The following PARD3 variants were observed in gnomAD, a reference collection of about 807,000 sequenced individuals.
PARD3 encodes partitioning defective 3 homolog.
PARD3 carries 75 observed loss-of-function variants against 155.4 expected under a neutral mutation model. The observed-to-expected ratio is 0.48, with a 90% CI of 0.40 to 0.58. The LOEUF (loss-of-function observed/expected upper bound fraction) is 0.58, where lower values mean the gene tolerates loss of function less well. Among genes scored for constraint, PARD3 ranks in the 20% least tolerant of loss-of-function variants. The probability of loss-of-function intolerance (pLI) is 0.00; values close to 1 mark genes in which losing one functional copy is unlikely to be tolerated. For missense variants in PARD3, 1,642 were observed against 1,721.7 expected, an observed-to-expected ratio of 0.95 and a Z score of 0.82; for synonymous variants, 576 against 610.5, an observed-to-expected ratio of 0.94 and a Z score of 0.83.
intron 1 of PARD3, among the ~76,000 whole-genome samples, chr10:34,791,700 T>G (rs965726131): frequency 3.3e-5 from 5 of 151,932 alleles, no homozygotes; most frequent in African/African-American, 1.2e-4. Flanking sequence ...AAAAAAAAAT[T>G]GTTTAAATTA....
At chr10:34,246,697 G>A (rs183671908) in intron 22 of PARD3, among the ~76,000 whole-genome samples, 1 of 150,006 alleles carries the variant, frequency 6.7e-6, no homozygotes, top group African/African-American at 2.5e-5. Flanking sequence ...CCAGGCGGCC[G>A]TAAGATGAAC....
intron 2 of PARD3, among the ~76,000 whole-genome samples, chr10:34,610,490 C>T (rs1268293476): frequency 6.6e-6 from 1 of 152,078 alleles, no homozygotes; most frequent in Non-Finnish European, 1.5e-5. Flanking sequence ...AGGAAGATGA[C>T]CCAGTAACCC....
At chr10:34,121,234 T>C (rs1397770555) in intron 23 of PARD3, among the ~76,000 whole-genome samples, 1 of 152,210 alleles carries the variant, frequency 6.6e-6, no homozygotes, top group Non-Finnish European at 1.5e-5. Context: ...AATGGTTACC[T>C]TACCTTCTAG....
At position 34,624,308 on chromosome 10, in the gene PARD3, G is replaced by T. The variant is rs539073503; in HGVS notation, c.222+72010C>A. On this transcript the variant is annotated intron_variant, in intron 2 of 24. Transcript: ENST00000374788. The stretch of plus-strand genomic sequence containing the variant: ...GCAGCTTTGACCTATCAAGCATGAT[G>T]TTTTGACCCTCATCCCACAGCTGTG... 3.9e-5 allele frequency among the ~76,000 whole-genome samples: 6 copies of T among 152,284 alleles called. No homozygotes were observed. The South Asian group carries it at 1.2e-3, about 32-fold the overall frequency.
intron 2 of PARD3, among the ~76,000 whole-genome samples, chr10:34,693,943 GA>G (rs1387649390): frequency 6.6e-6 from 1 of 152,106 alleles, no homozygotes; most frequent in Non-Finnish European, 1.5e-5. Flanking sequence ...TTATTTAAAA[GA>G]AAAAGACTGT....
intron 2 of PARD3, among the ~76,000 whole-genome samples, chr10:34,555,805 G>A (rs1274996495): frequency 6.6e-6 from 1 of 152,048 alleles, no homozygotes; most frequent in East Asian, 1.9e-4. Context: ...CCCTGGGGAG[G>A]CAGAGGTGTC....
intron 2 of PARD3, among the ~76,000 whole-genome samples, chr10:34,583,080 T>G (rs2087646868): frequency 6.6e-6 from 1 of 152,222 alleles, no homozygotes; most frequent in South Asian, 2.1e-4. Context: ...ACTCTTAGCA[T>G]GTTTAAGCTG....
chr10:34,657,697 C>A (rs2093213003), intron 2 of PARD3, among the ~76,000 whole-genome samples: 2 of 152,118 alleles, frequency 1.3e-5, no homozygotes, highest in South Asian at 4.1e-4. Context: ...CGCCACCACG[C>A]CTGGCTAATT....
chr10:34,706,251 G>A (rs1170695927), intron 1 of PARD3, among the ~76,000 whole-genome samples: 1 of 152,188 alleles, frequency 6.6e-6, no homozygotes, highest in Non-Finnish European at 1.5e-5. Context: ...GACTCAGAGA[G>A]CATAAATAGC....
intron 2 of PARD3, among the ~76,000 whole-genome samples, chr10:34,522,210 A>AC (rs2082190691): frequency 6.6e-6 from 1 of 152,164 alleles, no homozygotes; most frequent in South Asian, 2.1e-4. Flanking sequence ...CCAGAGAGAA[A>AC]CGTGATGATG....
chr10:34,413,600 AC>A (rs1287557744), intron 5 of PARD3, among the ~76,000 whole-genome samples: 2 of 152,094 alleles, frequency 1.3e-5, no homozygotes, highest in African/African-American at 2.4e-5. Context: ...GTCCCGAGTT[AC>A]CTGCCTCACA....
Position 34,569,659 on chromosome 10 carries a change from C to T in PARD3, c.223-52500G>A, listed in dbSNP as rs190957698. On this transcript the variant is annotated intron_variant, in intron 2 of 24. Coordinates refer to ENST00000374788, the MANE Select transcript of PARD3 (RefSeq NM_001184785.2). ...ATCTCCATCTCCTGATCTCGTGATC[C>T]GCCCGCCTCCGCCTGCCAAAGTGCT... 3.0e-3 allele frequency among the ~76,000 whole-genome samples: 459 copies of T among 152,120 alleles called. 2 individuals are homozygous for T. Among genetic ancestry groups the T allele is most frequent in the African/African-American group, 0.01 (431 of 41,526 alleles).
intron 1 of PARD3, among the ~76,000 whole-genome samples, chr10:34,702,384 T>C (rs1258514719): frequency 6.6e-6 from 1 of 151,734 alleles, no homozygotes; most frequent in Non-Finnish European, 1.5e-5. Flanking sequence ...ATTAAAATAA[T>C]AATAAATGTA....
chr10:34,117,952 A>G (rs1946775818), intron 24 of PARD3, among the ~76,000 whole-genome samples: 1 of 152,186 alleles, frequency 6.6e-6, no homozygotes, highest in South Asian at 2.1e-4. Flanking sequence ...AACGGGCCTT[A>G]TAAAATCATG....
intron 22 of PARD3, among the ~76,000 whole-genome samples, chr10:34,230,067 C>A (rs773815478): frequency 1.5e-4 from 23 of 152,212 alleles, no homozygotes; most frequent in Non-Finnish European, 2.5e-4. Context: ...ACATTAGTGT[C>A]AAATATGAAT....
At chr10:34,736,818 A>G (rs2094924752) in intron 1 of PARD3, among the ~76,000 whole-genome samples, 1 of 152,056 alleles carries the variant, frequency 6.6e-6, no homozygotes, top group Admixed American at 6.6e-5. Context: ...CTGGGATTAC[A>G]GGCATGCGCC....
chr10:34,142,582 C>A (rs940170674), intron 22 of PARD3, among the ~76,000 whole-genome samples: 1 of 134,762 alleles, frequency 7.4e-6, no homozygotes, highest in Non-Finnish European at 1.6e-5. Flanking sequence ...GGAAAGGAAG[C>A]GGGGGGCAGG....
intron 2 of PARD3, among the ~76,000 whole-genome samples, chr10:34,551,091 G>T (rs1405917006): frequency 1.3e-5 from 2 of 152,098 alleles, no homozygotes; most frequent in Non-Finnish European, 2.9e-5. Context: ...GTAACCCAAA[G>T]CAACCGAAAT....
chr10:34,377,799 A>T (rs889639990), intron 10 of PARD3, among the ~76,000 whole-genome samples, 168 bp downstream of exon 10: 4 of 152,150 alleles, frequency 2.6e-5, no homozygotes, highest in Non-Finnish European at 4.4e-5. Flanking sequence ...TATATAAAAA[A>T]TAACATGGAA....
Sources: allele counts gnomAD v4.1 joint callset (sites outside exome capture counted in the v4.1 genomes callset), GRCh38; gene constraint gnomAD v4.1.1; transcripts MANE v1.5; gene names NCBI Gene and HGNC (gene_info 2026-07-23, HGNC 2026-07-21).